Variants in HELLS observed in about 807,000 individuals in gnomAD.
The protein encoded by HELLS is lymphoid-specific helicase.
A neutral mutation model predicts 120.0 loss-of-function variants in HELLS; 32 were observed. The observed-to-expected ratio is 0.27, with a 90% CI of 0.20 to 0.36. The LOEUF (loss-of-function observed/expected upper bound fraction) is 0.36. Ranked by LOEUF, HELLS falls within the 10% of genes least tolerant of loss-of-function variation. The probability of loss-of-function intolerance (pLI) is 1.00; values close to 1 mark genes in which losing one functional copy is unlikely to be tolerated. For synonymous variants in HELLS, 341 were observed against 323.4 expected (o/e 1.05, Z -0.58); for missense variants, 650 against 993.4 (o/e 0.65, Z 4.65).
intron 10 of HELLS, among the ~76,000 whole-genome samples, chr10:94,580,117 G>GTATATATA (rs58984411): frequency 1.2e-3 from 76 of 65,472 alleles, no homozygotes; most frequent in Non-Finnish European, 1.9e-3. Context: ...CATTATAAAA[G>GTATATATA]TATATATATA....
intron 21 of HELLS, among the ~76,000 whole-genome samples, chr10:94,598,107 ATAATTTCC>A (rs1468223516): frequency 1.3e-5 from 2 of 151,942 alleles, no homozygotes; most frequent in Non-Finnish European, 2.9e-5. Flanking sequence ...TTTGTACTTC[ATAATTTCC>A]TAATTATTTT....
At position 94,595,054 on chromosome 10, in the gene HELLS, C is replaced by T. The variant is rs113208307; in HGVS notation, c.2248+200C>T. On this transcript the variant is annotated intron_variant, in intron 19 of 21. Coordinates refer to ENST00000348459, the MANE Select transcript of HELLS (RefSeq NM_018063.5). ...ACCAGGCTGGCCAAGATGGTGAAAC[C>T]GCGTCTCTACTAACAATACAAAAAT... Among the ~76,000 whole-genome samples the T allele has an allele frequency of 2.0e-4, 31 of 152,064 alleles. No individual in the cohort carries two copies. In the East Asian group the frequency reaches 3.1e-3, roughly 15 times the overall value.
intron 19 of HELLS, among the ~76,000 whole-genome samples, chr10:94,595,348 T>TA (rs1845690404): frequency 6.6e-6 from 1 of 152,100 alleles, no homozygotes; most frequent in Non-Finnish European, 1.5e-5. Flanking sequence ...AGTATGTAGA[T>TA]ATGTAGATGA....
intron 4 of HELLS, among the ~76,000 whole-genome samples, chr10:94,559,811 A>G (rs562497952): frequency 6.6e-6 from 1 of 152,298 alleles, no homozygotes; most frequent in South Asian, 2.1e-4. Context: ...AAACACAAAT[A>G]AAACAGGGTT....
intron 15 of HELLS, 28 bp from the exon 16 acceptor site, chr10:94,592,201 A>G: frequency 6.6e-7 from 1 of 1,517,862 alleles, no homozygotes; most frequent in Non-Finnish European, 9.0e-7. Context: ...TTTTCTCTCT[A>G]TTTTTTCTTC....
At chr10:94,585,739 G>T (rs894096910) in intron 12 of HELLS, among the ~76,000 whole-genome samples, 2 of 149,028 alleles carry the variant, frequency 1.3e-5, no homozygotes, top group African/African-American at 5.1e-5. Context: ...ATCCAGGCAG[G>T]AGAGTAGTGG....
chr10:94,595,810 T>C (rs1004909171), intron 19 of HELLS, among the ~76,000 whole-genome samples: 5 of 152,170 alleles, frequency 3.3e-5, no homozygotes, highest in Non-Finnish European at 7.3e-5. Flanking sequence ...CCTAGAGAAA[T>C]GGGAACATGA....
intron 18 of HELLS, 56 bp downstream of exon 18, chr10:94,593,671 T>C (rs1424464636): frequency 1.0e-5 from 12 of 1,178,668 alleles, no homozygotes; most frequent in Non-Finnish European, 1.3e-5. Context: ...TTGAATTTTT[T>C]TTTTTTTTTG....
chr10:94,613,540 A>G (rs1201736365), exon 10 of HELLS: 1 of 152,138 alleles, frequency 6.6e-6, no homozygotes, highest in Non-Finnish European at 1.5e-5. Context: ...TTTTTTCCCT[A>G]AATGCTTTAT....
At chr10:94,587,717 G>A (rs900777804) in intron 12 of HELLS, among the ~76,000 whole-genome samples, 12 of 152,146 alleles carry the variant, frequency 7.9e-5, no homozygotes, top group South Asian at 2.1e-4. Context: ...GTGAGCCACC[G>A]CACCTGGCCT....
rs1167810506 is a variant in HELLS at position 94,601,877 on chromosome 10, A to G, written c.*255A>G. On this transcript the variant is annotated 3_prime_UTR_variant, in exon 22 of 22. Transcript: ENST00000348459. ...TTGGATACAGGCTGATGTGTACTTAACCACTTCCAGATTTATACAGTCTTC... is the reference window on the plus strand; with the variant it reads ...TTGGATACAGGCTGATGTGTACTTAGCCACTTCCAGATTTATACAGTCTTC... 4.1e-6 allele frequency: 1 copy of G among 243,384 alleles called. No homozygotes were observed. Among genetic ancestry groups the G allele is most frequent in the Non-Finnish European group, 7.9e-6 (1 of 127,042 alleles). 15.1% of individuals were successfully genotyped at this position (243,384 alleles called of 1,614,324 possible). A position where few individuals can be genotyped will look rare whatever the true frequency, so the allele number is the denominator to read the frequency against.
At chr10:94,601,401 G>A in intron 21 of HELLS, 127 bp from the exon 22 acceptor site, 1 of 609,822 alleles carries the variant, frequency 1.6e-6, no homozygotes, top group Non-Finnish European at 2.9e-6. Context: ...AGAGTGCCCT[G>A]TATTACTGTG....
At chr10:94,563,489 CTTCTT>C (rs1843651799) in intron 6 of HELLS, among the ~76,000 whole-genome samples, 1 of 149,112 alleles carries the variant, frequency 6.7e-6, no homozygotes, top group Non-Finnish European at 1.5e-5. Context: ...TCTTTTTTTT[CTTCTT>C]TTCTTTTTTT....
At chr10:94,555,745 C>T (rs78573747) in intron 3 of HELLS, among the ~76,000 whole-genome samples, 1,819 of 152,270 alleles carry the variant, frequency 0.012, 54 homozygotes, top group African/African-American at 0.042. Context: ...CCTCCCACCT[C>T]GGCCTCCCGA....
Position 94,602,086 on chromosome 10 carries a change from T to C in HELLS, c.*464T>C, listed in dbSNP as rs1846062829. 6.5e-6 allele frequency: 1 copy of C among 152,736 alleles called. No individual in the cohort carries two copies. Among genetic ancestry groups the C allele is most frequent in the Non-Finnish European group, 1.5e-5 (1 of 68,172 alleles). 9.5% of individuals were successfully genotyped at this position (152,736 alleles called of 1,614,324 possible). A position where few individuals can be genotyped will look rare whatever the true frequency, so the allele number is the denominator to read the frequency against. On this transcript the variant is annotated 3_prime_UTR_variant, in exon 22 of 22. Transcript: ENST00000348459. ...ATGAGATAGTTTACCAAATAAATGT[T>C]CCTTATAAGATGATCTCATTAAATT... is the stretch of plus-strand genomic sequence containing the variant.
chr10:94,605,876 C>A (rs1846123246), downstream of HELLS, among the ~76,000 whole-genome samples: 1 of 152,000 alleles, frequency 6.6e-6, no homozygotes, highest in Admixed American at 6.6e-5. Context: ...AGCAATTCCC[C>A]CCGGCTTGGC....
intron 7 of HELLS, among the ~76,000 whole-genome samples, chr10:94,573,500 C>T (rs2134051556): frequency 6.6e-6 from 1 of 151,864 alleles, no homozygotes; most frequent in South Asian, 2.1e-4. Context: ...ATGGAGTCTT[C>T]TGTCACCCAG....
intron 1 of HELLS, 74 bp downstream of exon 1, chr10:94,546,026 G>T: frequency 6.6e-7 from 1 of 1,505,736 alleles, no homozygotes; most frequent in South Asian, 1.2e-5. Flanking sequence ...AGGCTGCGGC[G>T]GAGTTTCGGG....
At position 94,545,917 on chromosome 10, in the gene HELLS, C is replaced by G; in HGVS notation, c.-5C>G. ...GGGACCCGGTTCCCGGGTGAGTGTC[C>G]AGGCATGCCAGCGGAACGGCCCGCG... On this transcript the variant is annotated 5_prime_UTR_variant, in exon 1 of 22. Coordinates refer to ENST00000348459, the MANE Select transcript of HELLS (RefSeq NM_018063.5). 6.4e-7 allele frequency: 1 copy of G among 1,554,890 alleles called. No homozygotes were observed. Among genetic ancestry groups the G allele is most frequent in the Non-Finnish European group, 8.7e-7 (1 of 1,148,586 alleles).
Sources: allele counts gnomAD v4.1 joint callset (sites outside exome capture counted in the v4.1 genomes callset), GRCh38; gene constraint gnomAD v4.1.1; transcripts MANE v1.5; gene names NCBI Gene and HGNC (gene_info 2026-07-23, HGNC 2026-07-21).